S100Z: variants seen among roughly 807,000 people sequenced by gnomAD.
S100Z encodes the protein S100 calcium binding protein Z.
Under a neutral mutation model 8.5 loss-of-function variants are expected in S100Z, and 11 were observed. The observed-to-expected ratio is 1.30, with a 90% confidence interval of 0.82 to 2.15. S100Z has a LOEUF of 2.15. S100Z is among the 30% of genes most tolerant of loss of function. The pLI, the probability that S100Z is intolerant of heterozygous loss-of-function variation, is 0.00. For synonymous variants in S100Z, 34 were observed against 43.8 expected (o/e 0.78, Z 0.89); for missense variants, 126 against 117.9 (o/e 1.07, Z -0.32).
chr5:76,850,336 G>C lies in S100Z; in HGVS notation c.-176+181G>C, dbSNP rs865901214. ...CCACAAAGGGGTCGGGGGGGTGGGG[G>C]AGAGAGAGAGAGAGAGAGAGAGGGA... On this transcript the variant is annotated intron_variant, in intron 1 of 4. Coordinates refer to ENST00000317593, the MANE Select transcript of S100Z (RefSeq NM_130772.4). Among the ~76,000 whole-genome samples the C allele has an allele frequency of 3.8e-3, 521 of 135,562 alleles. 6 individuals carry two copies. The highest frequency in any genetic ancestry group is 0.014 in the African/African-American group (484 of 35,776). 88.9% of individuals were successfully genotyped at this position (135,562 alleles called of 152,430 possible).
intron 1 of S100Z, among the ~76,000 whole-genome samples, chr5:76,855,966 T>G (rs1750869287): frequency 6.6e-6 from 1 of 152,164 alleles, no homozygotes; most frequent in Non-Finnish European, 1.5e-5. Context: ...CAAGGTGCTG[T>G]TCTCATGAAA....
intron 4 of S100Z, among the ~76,000 whole-genome samples, chr5:76,902,550 A>G (rs1744265197): frequency 6.6e-6 from 1 of 151,936 alleles, no homozygotes; most frequent in Non-Finnish European, 1.5e-5. Flanking sequence ...TGCCTCTTTC[A>G]GTGATTTGAA....
intron 4 of S100Z, 70 bp downstream of exon 4, chr5:76,877,904 T>C: frequency 1.0e-6 from 1 of 985,596 alleles, no homozygotes; most frequent in South Asian, 1.5e-5. Flanking sequence ...TTTATACCGT[T>C]CAGATCTATA....
chr5:76,933,481 G>A, the S100Z span, among the ~76,000 whole-genome samples: 4 of 152,164 alleles, frequency 2.6e-5, no homozygotes, highest in Admixed American at 2.6e-4. Context: ...CCACTCACCT[G>A]CTCAGAACGG....
downstream of S100Z, among the ~76,000 whole-genome samples, chr5:76,926,488 C>T (rs1397527824): frequency 6.6e-6 from 1 of 152,108 alleles, no homozygotes; most frequent in Non-Finnish European, 1.5e-5. Context: ...GGGGCTAAAA[C>T]AGAGCCCTCC....
chr5:76,853,046 C>CT, intron 1 of S100Z, among the ~76,000 whole-genome samples: 1 of 152,140 alleles, frequency 6.6e-6, no homozygotes, highest in South Asian at 2.1e-4. Context: ...CGATTCAAGT[C>CT]TAAGGCTGAT....
intron 4 of S100Z, among the ~76,000 whole-genome samples, chr5:76,887,288 G>C (rs1743679522): frequency 6.6e-6 from 1 of 150,652 alleles, no homozygotes; most frequent in Non-Finnish European, 1.5e-5. Flanking sequence ...GTAGAGACAG[G>C]GTTTCACCAT....
chr5:76,918,901 T>TTTTTTC (rs1744943285), intron 4 of S100Z, among the ~76,000 whole-genome samples: 1 of 152,244 alleles, frequency 6.6e-6, no homozygotes, highest in Admixed American at 6.5e-5. Flanking sequence ...CTCTTTCCAT[T>TTTTTTC]GTTTTGTCTT....
chr5:76,864,905 C>T (rs1751212129), intron 1 of S100Z, among the ~76,000 whole-genome samples: 1 of 152,148 alleles, frequency 6.6e-6, no homozygotes, highest in South Asian at 2.1e-4. Flanking sequence ...GATGGCATTT[C>T]ACCATATTGG....
chr5:76,921,491 T>C lies in S100Z; in HGVS notation c.*777T>C, dbSNP rs1268217123. The C allele has an allele frequency of 2.0e-5, 3 of 152,222 alleles. No individual in the cohort carries two copies. The highest frequency in any genetic ancestry group is 2.0e-4 in the Admixed American group (3 of 15,280). 9.4% of individuals were successfully genotyped at this position (152,222 alleles called of 1,614,324 possible). Reference sequence around the variant, plus strand: ...ATTTTCTATTCTTCTTTCCTTCCTTTCTTTGTGAGAGTTAACGATTATTTA... The same window carrying C: ...ATTTTCTATTCTTCTTTCCTTCCTTCCTTTGTGAGAGTTAACGATTATTTA... On this transcript the variant is annotated 3_prime_UTR_variant, in exon 5 of 5. Coordinates refer to ENST00000317593, the MANE Select transcript of S100Z (RefSeq NM_130772.4).
intron 1 of S100Z, among the ~76,000 whole-genome samples, chr5:76,868,112 C>A (rs933683099): frequency 5.9e-5 from 9 of 152,210 alleles, no homozygotes; most frequent in African/African-American, 2.2e-4. Flanking sequence ...TCTAGCCTGA[C>A]AGATTCTTTT....
intron 1 of S100Z, among the ~76,000 whole-genome samples, chr5:76,856,684 A>G (rs1319697336): frequency 6.6e-6 from 1 of 152,256 alleles, no homozygotes; most frequent in South Asian, 2.1e-4. Context: ...GTATAAAAGC[A>G]AGATAGGCAA....
At chr5:76,944,160 C>T in the S100Z span, among the ~76,000 whole-genome samples, 4,711 of 152,252 alleles carry the variant, frequency 0.031, 253 homozygotes, top group African/African-American at 0.11. Flanking sequence ...CCCAGGAATC[C>T]TTTCAGCACC....
chr5:76,874,178 A>G (rs1424594355), intron 2 of S100Z, among the ~76,000 whole-genome samples: 3 of 147,350 alleles, frequency 2.0e-5, no homozygotes, highest in Non-Finnish European at 3.0e-5. Context: ...TTTCTAAATC[A>G]GTGCGTGGAG....
At chr5:76,932,711 C>T in the S100Z span, among the ~76,000 whole-genome samples, 35 of 152,152 alleles carry the variant, frequency 2.3e-4, no homozygotes, top group African/African-American at 8.2e-4. Flanking sequence ...GTGGCCGACC[C>T]CTTCCCATCC....
intron 4 of S100Z, among the ~76,000 whole-genome samples, chr5:76,899,373 T>C (rs948548343): frequency 4.6e-5 from 7 of 151,994 alleles, no homozygotes; most frequent in African/African-American, 1.7e-4. Flanking sequence ...AAGGACTTAC[T>C]CCTACCATTT....
downstream of S100Z, among the ~76,000 whole-genome samples, chr5:76,924,044 C>T (rs1413692885): frequency 2.6e-5 from 4 of 152,112 alleles, no homozygotes; most frequent in South Asian, 8.3e-4. Flanking sequence ...ATCCTCTCCC[C>T]TAAAATATCG....
the S100Z span, among the ~76,000 whole-genome samples, chr5:76,951,631 T>C: frequency 6.6e-6 from 1 of 152,118 alleles, no homozygotes; most frequent in African/African-American, 2.4e-5. Flanking sequence ...GGCCAGCAAG[T>C]TGGGGTTAAG....
At chr5:76,931,467 A>C in the S100Z span, among the ~76,000 whole-genome samples, 1 of 152,104 alleles carries the variant, frequency 6.6e-6, no homozygotes, top group Non-Finnish European at 1.5e-5. Flanking sequence ...CCCCACACTC[A>C]TGACCTCATC....
Sources: allele counts gnomAD v4.1 joint callset (sites outside exome capture counted in the v4.1 genomes callset), GRCh38; gene constraint gnomAD v4.1.1; transcripts MANE v1.5; gene names NCBI Gene and HGNC (gene_info 2026-07-23, HGNC 2026-07-21).